The following AATF variants were observed in gnomAD, a reference collection of about 807,000 sequenced individuals.
AATF encodes the protein apoptosis antagonizing transcription factor.
AATF carries 48 observed loss-of-function variants against 63.7 expected under a neutral mutation model. The observed-to-expected ratio is 0.75, with a 90% CI of 0.60 to 0.96. The LOEUF is 0.96. AATF is among the 40% of genes least tolerant of loss of function. The pLI is 0.00. For synonymous variants in AATF, 258 were observed against 247.7 expected, an observed-to-expected ratio of 1.04 and a Z score of -0.39; for missense variants, 639 against 685.7, an observed-to-expected ratio of 0.93 and a Z score of 0.76.
intron 8 of AATF, 110 bp from the exon 9 acceptor site, chr17:37,018,895 T>C: frequency 1.2e-6 from 1 of 832,700 alleles, no homozygotes; most frequent in Middle Eastern, 2.3e-4. Context: ...CCCTTATTGA[T>C]TGTAGTTTTA....
chr17:36,982,772 C>T (rs1355903898), intron 4 of AATF, among the ~76,000 whole-genome samples: 1 of 152,210 alleles, frequency 6.6e-6, no homozygotes, highest in African/African-American at 2.4e-5. Flanking sequence ...CATTGTTGTG[C>T]AACCGTCACC....
intron 11 of AATF, among the ~76,000 whole-genome samples, chr17:37,040,425 G>C (rs1401374210): frequency 6.6e-6 from 1 of 151,666 alleles, no homozygotes; most frequent in East Asian, 1.9e-4. Context: ...CTATATGCCA[G>C]ACATTGCACT....
intron 3 of AATF, 122 bp downstream of exon 3, chr17:36,953,418 C>A: frequency 6.8e-7 from 1 of 1,465,668 alleles, no homozygotes; most frequent in East Asian, 2.4e-5. Flanking sequence ...TGTGACATGC[C>A]CCACTTACCC....
chr17:37,038,026 T>C (rs1167935964), intron 11 of AATF, among the ~76,000 whole-genome samples: 1 of 152,190 alleles, frequency 6.6e-6, no homozygotes, highest in African/African-American at 2.4e-5. Flanking sequence ...GATGCCTGGT[T>C]CATGCTTCCT....
At chr17:37,033,469 CT>C (rs1336101153) in intron 11 of AATF, among the ~76,000 whole-genome samples, 1 of 152,210 alleles carries the variant, frequency 6.6e-6, no homozygotes, top group Non-Finnish European at 1.5e-5. Context: ...CAGAAATCAA[CT>C]TTATGCCATT....
At chr17:36,986,278 G>T (rs984300440) in intron 4 of AATF, among the ~76,000 whole-genome samples, 1 of 152,162 alleles carries the variant, frequency 6.6e-6, no homozygotes, top group Non-Finnish European at 1.5e-5. Context: ...TAACACCAAC[G>T]GAACAAATTA....
intron 4 of AATF, among the ~76,000 whole-genome samples, chr17:36,979,987 A>C (rs2071109077): frequency 6.6e-6 from 1 of 152,206 alleles, no homozygotes. Context: ...GTACAAGCAG[A>C]GCTTAAGATT....
chr17:36,950,362 A>T lies in AATF; in HGVS notation c.240A>T (p.Ala80=). 6.2e-7 allele frequency: 1 copy of T among 1,614,214 alleles called. No individual in the cohort carries two copies. Among genetic ancestry groups the T allele is most frequent in the Non-Finnish European group, 8.5e-7 (1 of 1,180,044 alleles). ...RYCGKTTSRK[A]WNEDHWEQTL... is the part of the protein sequence containing the mutation. ...GCGGCAAAACCACCTCTAGAAAAGC[A>T]TGGAATGAAGACCATTGGGAGCAGA... The change falls in exon 2 of 12, where the codon GCA becomes GCT. Residue 80 remains alanine, a synonymous_variant. Coordinates refer to ENST00000619387, the MANE Select transcript of AATF (RefSeq NM_012138.4).
intron 11 of AATF, among the ~76,000 whole-genome samples, chr17:37,046,268 C>T (rs1003125760): frequency 6.6e-6 from 1 of 152,062 alleles, no homozygotes; most frequent in Admixed American, 6.5e-5. Context: ...GGGACTCGGG[C>T]TCTGGGGTCC....
At chr17:36,987,445 AT>A (rs1460012385) in intron 5 of AATF, among the ~76,000 whole-genome samples, 3 of 151,850 alleles carry the variant, frequency 2.0e-5, no homozygotes, top group African/African-American at 4.8e-5. Flanking sequence ...CAAAATAATT[AT>A]TTTTTCCCCC....
At chr17:36,993,108 A>G (rs1052014977) in intron 8 of AATF, among the ~76,000 whole-genome samples, 1 of 152,240 alleles carries the variant, frequency 6.6e-6, no homozygotes, top group Admixed American at 6.5e-5. Flanking sequence ...GATTCTAAAT[A>G]TGGTGCTTAG....
chr17:36,987,296 C>A (rs557394077), intron 5 of AATF, among the ~76,000 whole-genome samples: 16 of 152,040 alleles, frequency 1.1e-4, no homozygotes, highest in African/African-American at 3.6e-4. Flanking sequence ...TGGCCAAAAG[C>A]ACATTTTTAA....
chr17:36,990,541 A>G (rs1479620061), intron 7 of AATF, among the ~76,000 whole-genome samples: 4 of 151,792 alleles, frequency 2.6e-5, no homozygotes, highest in Non-Finnish European at 2.9e-5. Context: ...CACATATTTA[A>G]TTTGAATGAG....
chr17:36,953,673 A>C (rs1279563561), intron 3 of AATF, 97 bp from the exon 4 acceptor site: 2 of 1,155,818 alleles, frequency 1.7e-6, no homozygotes, highest in Non-Finnish European at 2.5e-6. Flanking sequence ...TGTGGTGCTT[A>C]GAGACTGGTG....
chr17:37,048,655 G>T (rs1254515104), intron 11 of AATF, among the ~76,000 whole-genome samples: 1 of 152,166 alleles, frequency 6.6e-6, no homozygotes, highest in Admixed American at 6.5e-5. Context: ...ACAGGTGTGA[G>T]CCACTGCGCC....
intron 10 of AATF, among the ~76,000 whole-genome samples, chr17:37,027,568 AT>A (rs1198639173): frequency 6.6e-6 from 1 of 152,196 alleles, no homozygotes; most frequent in Non-Finnish European, 1.5e-5. Context: ...TATATATGCA[AT>A]TTTAAATGTT....
chr17:36,982,962 A>C (rs1457897250), intron 4 of AATF, among the ~76,000 whole-genome samples: 1 of 152,148 alleles, frequency 6.6e-6, no homozygotes, highest in Admixed American at 6.5e-5. Context: ...TCCTTTTGCA[A>C]CTGGCTTATT....
At chr17:36,964,813 C>T (rs1489162470) in intron 4 of AATF, among the ~76,000 whole-genome samples, 2 of 143,138 alleles carry the variant, frequency 1.4e-5, no homozygotes, top group Non-Finnish European at 3.0e-5. Flanking sequence ...CTAAACTTTA[C>T]ATCATGCCAT....
Position 37,031,635 on chromosome 17 carries a change from A to G in AATF, c.1569A>G (p.Leu523=), listed in dbSNP as rs768217607. 6.2e-7 allele frequency: 1 copy of G among 1,614,138 alleles called. No individual in the cohort carries two copies. Among genetic ancestry groups the G allele is most frequent in the Non-Finnish European group, 8.5e-7 (1 of 1,179,986 alleles). ...TTAGGTTTCATGTCCTTAGCAAGCT[A>G]CTGAGTTTCATGGCACCTATTGACC... ...RKLRFHVLSK[L]LSFMAPIDHT... is the part of the protein sequence containing the mutation. The change falls in exon 11 of 12, where the codon CTA becomes CTG. Residue 523 remains leucine (L), a synonymous_variant. Transcript: ENST00000619387.
Sources: gnomAD v4.1 joint callset for allele counts (sites outside exome capture counted in the v4.1 genomes callset) on GRCh38, gnomAD v4.1.1 for gene constraint, MANE v1.5 for transcripts, NCBI Gene and HGNC (gene_info 2026-07-23, HGNC 2026-07-21) for gene names.